CEP170: variants seen among roughly 807,000 people sequenced by gnomAD.
CEP170 encodes the protein centrosomal protein of 170 kDa.
A neutral mutation model predicts 151.9 loss-of-function variants in CEP170; 21 were observed. The ratio of observed to expected loss-of-function variants is 0.14; its 90% CI spans 0.10 to 0.20. The LOEUF is 0.20. CEP170 is among the 10% of genes least tolerant of loss of function. CEP170 has a pLI of 1.00. For missense variants in CEP170, 964 were observed against 1,892.9 expected (o/e 0.51, Z 9.11); for synonymous variants, 356 against 648.8 (o/e 0.55, Z 6.86).
chr1:243,227,027 T>C (rs2063353068), intron 1 of CEP170, among the ~76,000 whole-genome samples: 1 of 152,168 alleles, frequency 6.6e-6, no homozygotes, highest in Non-Finnish European at 1.5e-5. Context: ...TATATTTTGA[T>C]GGGATTTTGT....
chr1:243,200,112 C>T (rs2060926989), intron 6 of CEP170, among the ~76,000 whole-genome samples: 1 of 151,678 alleles, frequency 6.6e-6, no homozygotes, highest in Non-Finnish European at 1.5e-5. Flanking sequence ...GAGGTGTATG[C>T]ATTGTATTAG....
rs755877582 is a variant in CEP170, at chr1:243,200,534, G to A, written c.480C>T (p.Ser160=). Residue 160 remains serine, a synonymous_variant, in exon 6 of 20, where the codon TCC becomes TCT. Coordinates refer to ENST00000366542, the MANE Select transcript of CEP170 (RefSeq NM_014812.3). ...CCAGCTTACCCATGGCTTTTTCCTCGGATTTCAGTGCTTCAGTAGTTTTGT... is the reference window on the plus strand; with the variant it reads ...CCAGCTTACCCATGGCTTTTTCCTCAGATTTCAGTGCTTCAGTAGTTTTGT... ...VQHKTTEALK[S]EEKAMDISAM... is the part of the protein sequence containing the mutation. 1.4e-5 allele frequency: 22 copies of A among 1,589,888 alleles called. No individual in the cohort carries two copies. Among genetic ancestry groups the A allele is most frequent in the Admixed American group, 5.3e-5 (3 of 56,826 alleles).
intron 11 of CEP170, among the ~76,000 whole-genome samples, chr1:243,171,722 G>T (rs1420724238): frequency 6.6e-6 from 1 of 152,112 alleles, no homozygotes; most frequent in African/African-American, 2.4e-5. Context: ...TTTGTTAAGT[G>T]CATAAATCTC....
chr1:243,154,009 A>G (rs1323626977), intron 14 of CEP170, among the ~76,000 whole-genome samples: 1 of 152,268 alleles, frequency 6.6e-6, no homozygotes, highest in East Asian at 1.9e-4. Context: ...TGCATCAGGG[A>G]TACCTGAAAG....
intron 4 of CEP170, among the ~76,000 whole-genome samples, chr1:243,208,893 G>A (rs1009949993): frequency 6.6e-6 from 1 of 151,700 alleles, no homozygotes; most frequent in Non-Finnish European, 1.5e-5. Flanking sequence ...ACTATGCCTG[G>A]CACATAGGAG....
At chr1:243,215,688 T>C (rs1458489279) in intron 3 of CEP170, among the ~76,000 whole-genome samples, 1 of 152,174 alleles carries the variant, frequency 6.6e-6, no homozygotes, top group Non-Finnish European at 1.5e-5. Context: ...ATTTTTAATT[T>C]CACCTGGGTC....
At chr1:243,242,753 T>C (rs1283162180) in intron 1 of CEP170, among the ~76,000 whole-genome samples, 1 of 151,960 alleles carries the variant, frequency 6.6e-6, no homozygotes, top group African/African-American at 2.4e-5. Flanking sequence ...CAGGCTGGAG[T>C]GCAGTGGCGC....
chr1:243,167,580 A>G (rs1171210035), intron 12 of CEP170, among the ~76,000 whole-genome samples: 3 of 151,890 alleles, frequency 2.0e-5, no homozygotes, highest in Non-Finnish European at 4.4e-5. Context: ...ATAAATTAAC[A>G]TATAAAGCTT....
intron 3 of CEP170, among the ~76,000 whole-genome samples, chr1:243,218,061 T>C (rs1011221557): frequency 2.0e-5 from 3 of 152,228 alleles, no homozygotes; most frequent in African/African-American, 7.2e-5. Flanking sequence ...ATTGATAGTA[T>C]AAAATCATAT....
chr1:243,175,828 G>C (rs1308506439), intron 10 of CEP170, among the ~76,000 whole-genome samples: 1 of 151,960 alleles, frequency 6.6e-6, no homozygotes, highest in East Asian at 1.9e-4. Flanking sequence ...ACAGAGTCTC[G>C]CTTTGTCGCC....
intron 17 of CEP170, among the ~76,000 whole-genome samples, chr1:243,130,130 T>C (rs1208994783): frequency 6.6e-6 from 1 of 152,076 alleles, no homozygotes. Flanking sequence ...CTGTCACTTA[T>C]AAAGAAAATG....
chr1:243,210,759 T>C (rs1183726233), intron 4 of CEP170, among the ~76,000 whole-genome samples: 1 of 151,690 alleles, frequency 6.6e-6, no homozygotes, highest in Admixed American at 6.6e-5. Context: ...GGATTACAGA[T>C]GCGTGCCACC....
intron 1 of CEP170, among the ~76,000 whole-genome samples, chr1:243,227,832 G>A (rs2063426316): frequency 6.6e-6 from 1 of 152,198 alleles, no homozygotes; most frequent in Non-Finnish European, 1.5e-5. Context: ...AAGGCCTTTG[G>A]ACTGAGAGCT....
In CEP170 at chr1:243,172,680, A is replaced by C. The variant is rs2058942448; in HGVS notation, c.1716+17T>G. ...ATACTTTATGCATTCAAATAGGTAC[A>C]CAGAAGAGATGTATACCTCTGAGTG... On this transcript the variant is annotated intron_variant, in intron 11 of 19. Coordinates refer to ENST00000366542, the MANE Select transcript of CEP170 (RefSeq NM_014812.3). 24 of 1,560,234 alleles carry C rather than the reference A, an allele frequency of 1.5e-5. No individual in the cohort carries two copies. The highest frequency in any genetic ancestry group is 2.1e-5 in the Non-Finnish European group (24 of 1,157,690).
chr1:243,164,917 T>C lies in CEP170; in HGVS notation c.3043A>G (p.Ile1015Val). Residue 1015 changes from isoleucine (I) to valine (V), a missense_variant, in exon 13 of 20, where the codon ATA becomes GTA. Coordinates refer to ENST00000366542, the MANE Select transcript of CEP170 (RefSeq NM_014812.3). ...GRKFVQSSGR[I>V]RQPSVDLTDD... ...GTTAAGTCTACTGAGGGCTGTCTTA[T>C]TCTCCCACTGGACTGAACAAATTTA... 2.5e-6 allele frequency: 4 copies of C among 1,613,870 alleles called. No homozygotes were observed. The highest frequency in any genetic ancestry group is 2.7e-5 in the African/African-American group (2 of 75,070).
intron 3 of CEP170, among the ~76,000 whole-genome samples, chr1:243,216,268 T>C (rs1241268324): frequency 1.3e-5 from 2 of 152,144 alleles, no homozygotes; most frequent in Non-Finnish European, 2.9e-5. Context: ...TAGTTACATA[T>C]GTATACATGT....
chr1:243,232,353 T>C (rs1436919513), intron 1 of CEP170, among the ~76,000 whole-genome samples: 13 of 152,178 alleles, frequency 8.5e-5, no homozygotes, highest in Admixed American at 8.5e-4. Flanking sequence ...CTTCTGTGCT[T>C]ATCAATTTCA....
At chr1:243,243,248 CAT>C (rs1372878533) in intron 1 of CEP170, among the ~76,000 whole-genome samples, 1 of 151,912 alleles carries the variant, frequency 6.6e-6, no homozygotes, top group Admixed American at 6.6e-5. Flanking sequence ...AGGAAAGAGT[CAT>C]AGGGTAAAAC....
intron 3 of CEP170, among the ~76,000 whole-genome samples, chr1:243,215,114 A>G (rs1056255302): frequency 6.6e-6 from 1 of 152,292 alleles, no homozygotes; most frequent in East Asian, 1.9e-4. Flanking sequence ...TGGACATTTT[A>G]TCACTTCCCC....
Sources: gnomAD v4.1 joint callset for allele counts (sites outside exome capture counted in the v4.1 genomes callset) on GRCh38, gnomAD v4.1.1 for gene constraint, MANE v1.5 for transcripts, NCBI Gene and HGNC (gene_info 2026-07-23, HGNC 2026-07-21) for gene names.